The following AK5 variants were observed in gnomAD, a reference collection of about 807,000 sequenced individuals.
AK5 encodes adenylate kinase isoenzyme 5.
Under a neutral mutation model 69.5 loss-of-function variants are expected in AK5, and 27 were observed. The observed-to-expected ratio is 0.39, with a 90% confidence interval of 0.29 to 0.54. AK5 has a LOEUF of 0.54. Ranked by LOEUF, AK5 falls within the 20% of genes least tolerant of loss-of-function variation. The pLI is 0.71. For synonymous variants in AK5, 260 were observed against 244.4 expected, an observed-to-expected ratio of 1.06 and a Z score of -0.60; for missense variants, 531 against 700.4, an observed-to-expected ratio of 0.76 and a Z score of 2.73.
chr1:77,295,160 A>C (rs1445516453), intron 3 of AK5, among the ~76,000 whole-genome samples: 1 of 152,222 alleles, frequency 6.6e-6, no homozygotes, highest in Non-Finnish European at 1.5e-5. Flanking sequence ...GATGACCAAA[A>C]GCAAAACTCT....
chr1:77,403,857 G>C (rs202223520), intron 6 of AK5, among the ~76,000 whole-genome samples: 4 of 152,066 alleles, frequency 2.6e-5, no homozygotes, highest in African/African-American at 9.7e-5. Context: ...GCTTGATGGG[G>C]ATGGCATTGA....
chr1:77,546,418 ATGT>A (rs972348573), intron 13 of AK5, among the ~76,000 whole-genome samples: 21 of 152,110 alleles, frequency 1.4e-4, no homozygotes, highest in African/African-American at 5.1e-4. Flanking sequence ...ATGCCACTTA[ATGT>A]TGGGAATTCA....
At chr1:77,310,677 G>A (rs1004418269) in intron 5 of AK5, among the ~76,000 whole-genome samples, 2 of 151,852 alleles carry the variant, frequency 1.3e-5, no homozygotes, top group Admixed American at 6.6e-5. Flanking sequence ...CACCGCACCC[G>A]GCCCTATTCT....
At chr1:77,500,516 C>G (rs531422975) in intron 10 of AK5, among the ~76,000 whole-genome samples, 27 of 152,280 alleles carry the variant, frequency 1.8e-4, no homozygotes, top group Non-Finnish European at 2.9e-4. Context: ...CGGTGGCTCA[C>G]TCCTGTAATC....
At chr1:77,405,196 G>C (rs369213183) in intron 6 of AK5, among the ~76,000 whole-genome samples, 1 of 152,356 alleles carries the variant, frequency 6.6e-6, no homozygotes. Flanking sequence ...ATATTAAATA[G>C]ACCATCTCTG....
At chr1:77,444,900 A>T (rs139842631) in intron 8 of AK5, among the ~76,000 whole-genome samples, 133 of 151,834 alleles carry the variant, frequency 8.8e-4, no homozygotes, top group African/African-American at 2.8e-3. Context: ...TTATTTAAAG[A>T]TTCCACATAT....
At chr1:77,478,322 ATGT>A (rs1388518535) in intron 8 of AK5, among the ~76,000 whole-genome samples, 2 of 152,104 alleles carry the variant, frequency 1.3e-5, no homozygotes, top group African/African-American at 4.8e-5. Flanking sequence ...TAATTCCCAC[ATGT>A]TGTGGGAGGG....
intron 6 of AK5, among the ~76,000 whole-genome samples, chr1:77,358,432 T>C (rs937119171): frequency 2.0e-5 from 3 of 152,154 alleles, no homozygotes; most frequent in South Asian, 2.1e-4. Context: ...AATGAAATTA[T>C]TTGTTCTCAT....
intron 8 of AK5, among the ~76,000 whole-genome samples, chr1:77,471,447 C>T (rs907553648): frequency 2.0e-5 from 3 of 152,188 alleles, no homozygotes; most frequent in Admixed American, 1.3e-4. Flanking sequence ...GTTTATAGTG[C>T]ACTGACATGC....
intron 8 of AK5, among the ~76,000 whole-genome samples, chr1:77,451,569 C>T (rs549218879): frequency 1.1e-4 from 17 of 152,110 alleles, no homozygotes; most frequent in African/African-American, 2.9e-4. Context: ...AGGACCAAAG[C>T]GTATAACGGA....
At chr1:77,390,684 A>G (rs1648363986) in intron 6 of AK5, among the ~76,000 whole-genome samples, 1 of 152,258 alleles carries the variant, frequency 6.6e-6, no homozygotes. Context: ...CATAGGAAAT[A>G]AAAGCAAACA....
At chr1:77,475,197 G>A (rs75556018) in intron 8 of AK5, among the ~76,000 whole-genome samples, 428 of 5,360 alleles carry the variant, frequency 0.08, 1 homozygote, top group Non-Finnish European at 0.17. Context: ...ATATATATAT[G>A]TGTGTGTGTG....
intron 6 of AK5, among the ~76,000 whole-genome samples, chr1:77,388,748 GAAA>G (rs5775396): frequency 7.0e-6 from 1 of 143,572 alleles, no homozygotes. Flanking sequence ...AAGCTCTATG[GAAA>G]AAAAAAAAAA....
chr1:77,392,701 C>T (rs973870496), intron 6 of AK5, among the ~76,000 whole-genome samples: 16 of 151,916 alleles, frequency 1.1e-4, no homozygotes, highest in Middle Eastern at 3.4e-3. Flanking sequence ...CTGACAAGAC[C>T]GCTAAGTAGG....
chr1:77,402,085 A>C (rs1649251980), intron 6 of AK5, among the ~76,000 whole-genome samples: 1 of 152,220 alleles, frequency 6.6e-6, no homozygotes, highest in African/African-American at 2.4e-5. Context: ...AGAATTTCAG[A>C]GCTGTGAGCA....
chr1:77,299,488 T>C (rs2100252830), intron 5 of AK5, among the ~76,000 whole-genome samples: 1 of 152,260 alleles, frequency 6.6e-6, no homozygotes, highest in East Asian at 1.9e-4. Context: ...AATGTTCCCA[T>C]TAACGGTTTT....
intron 2 of AK5, among the ~76,000 whole-genome samples, chr1:77,291,311 A>T (rs1658672930): frequency 6.6e-6 from 1 of 152,070 alleles, no homozygotes; most frequent in South Asian, 2.1e-4. Context: ...AGATCTGGCC[A>T]TCCATTTCCA....
chr1:77,518,617 G>A lies in AK5; in HGVS notation c.1201G>A (p.Gly401Arg). ...TQCEKLVEKY[G>R]FTHLSTGELL... ...GTGTGAAAAGCTGGTGGAAAAATAT[G>A]GATTTACACATCTCTCAACTGGCGA... Residue 401 changes from glycine (G) to arginine (R), a missense_variant, in exon 11 of 14, where the codon GGA becomes AGA. Physicochemically the swap from Gly to Arg is moderately radical, Grantham distance 125 (BLOSUM62 -2). Coordinates refer to ENST00000354567, the MANE Select transcript of AK5 (RefSeq NM_174858.3). 1 of 1,614,106 alleles carries A rather than the reference G, an allele frequency of 6.2e-7. No homozygotes were observed. Among genetic ancestry groups the A allele is most frequent in the South Asian group, 1.1e-5 (1 of 91,076 alleles).
chr1:77,522,368 C>G (rs796843615), intron 12 of AK5, among the ~76,000 whole-genome samples: 2 of 152,122 alleles, frequency 1.3e-5, no homozygotes, highest in Non-Finnish European at 2.9e-5. Context: ...ATCACTGAAC[C>G]AATTACTGAG....
Sources: allele counts gnomAD v4.1 joint callset (sites outside exome capture counted in the v4.1 genomes callset), GRCh38; gene constraint gnomAD v4.1.1; transcripts MANE v1.5; gene names NCBI Gene and HGNC (gene_info 2026-07-23, HGNC 2026-07-21).